The following POLB variants were observed in gnomAD, a reference collection of about 807,000 sequenced individuals.
POLB encodes 5'-dRP lyase.
In POLB, 37 loss-of-function variants were observed where a neutral mutation model predicts 52.7. The observed-to-expected ratio is 0.70, with a 90% CI of 0.54 to 0.92. The LOEUF is 0.92. POLB is among the 40% of genes least tolerant of loss of function. The probability of loss-of-function intolerance (pLI) is 0.00; values close to 1 mark genes in which losing one functional copy is unlikely to be tolerated. For synonymous variants in POLB, 138 were observed against 131.3 expected, an observed-to-expected ratio of 1.05 and a Z score of -0.35; for missense variants, 313 against 400.8, an observed-to-expected ratio of 0.78 and a Z score of 1.87.
chr8:42,349,526 C>A, intron 4 of POLB, among the ~76,000 whole-genome samples: 1 of 152,106 alleles, frequency 6.6e-6, no homozygotes, highest in Non-Finnish European at 1.5e-5. Context: ...GTAGCTGGGA[C>A]TACAGGCGCC....
intron 6 of POLB, chr8:42,354,550 A>ATT: frequency 1.0e-6 from 1 of 977,522 alleles, no homozygotes; most frequent in Non-Finnish European, 1.4e-6. Context: ...TTTCAATGGA[A>ATT]TTTTTTTTTG....
At chr8:42,350,735 T>G (rs1351529249) in intron 5 of POLB, among the ~76,000 whole-genome samples, 1 of 152,184 alleles carries the variant, frequency 6.6e-6, no homozygotes, top group African/African-American at 2.4e-5. Flanking sequence ...TATAATGATT[T>G]GTTCTTTAAA....
At chr8:42,369,790 A>G (rs1824264179) in intron 12 of POLB, 59 bp from the exon 13 acceptor site, 7 of 1,173,954 alleles carry the variant, frequency 6.0e-6, no homozygotes, top group Non-Finnish European at 7.3e-6. Flanking sequence ...TAGGAGTCCT[A>G]TATTTGCTAA....
intron 9 of POLB, among the ~76,000 whole-genome samples, chr8:42,358,569 G>A (rs1823478623): frequency 6.6e-6 from 1 of 152,286 alleles, no homozygotes; most frequent in East Asian, 1.9e-4. Context: ...TTTAGAGTAT[G>A]TTAGAGTAGA....
chr8:42,363,874 G>T (rs1823873750), intron 11 of POLB, among the ~76,000 whole-genome samples: 1 of 151,396 alleles, frequency 6.6e-6, no homozygotes, highest in Admixed American at 6.6e-5. Context: ...ATTAATAAAT[G>T]ATTCTGTATA....
At chr8:42,366,309 G>A (rs942420171) in intron 11 of POLB, among the ~76,000 whole-genome samples, 11 of 152,102 alleles carry the variant, frequency 7.2e-5, no homozygotes, top group African/African-American at 2.4e-4. Context: ...CATACATCTG[G>A]CAGCACATCT....
At chr8:42,362,401 A>T (rs1823759189) in intron 10 of POLB, among the ~76,000 whole-genome samples, 1 of 151,546 alleles carries the variant, frequency 6.6e-6, no homozygotes, top group South Asian at 2.1e-4. Flanking sequence ...TTCAGGCATG[A>T]TGTTGTTCCT....
intron 2 of POLB, among the ~76,000 whole-genome samples, chr8:42,343,426 C>G (rs1303756485): frequency 2.9e-5 from 4 of 138,246 alleles, no homozygotes; most frequent in Non-Finnish European, 6.1e-5. Flanking sequence ...ACTCAGGAGG[C>G]TAAGGCAGGA....
At chr8:42,340,997 C>T (rs575712968) in intron 2 of POLB, among the ~76,000 whole-genome samples, 6 of 152,230 alleles carry the variant, frequency 3.9e-5, no homozygotes, top group Admixed American at 3.9e-4. Flanking sequence ...TGTGCCAAAG[C>T]ATTGAGACAT....
At chr8:42,342,244 A>G (rs1822247521) in intron 2 of POLB, 7 of 1,546,524 alleles carry the variant, frequency 4.5e-6, no homozygotes, top group African/African-American at 1.4e-5. Flanking sequence ...TGCTTTCTAC[A>G]TTGTATTATC....
At position 42,370,003 on chromosome 8, in the gene POLB, G is replaced by A. The variant is rs1378204678; in HGVS notation, c.913+15G>A. 1 of 1,592,442 alleles carries A rather than the reference G, an allele frequency of 6.3e-7. No individual in the cohort carries two copies. Among genetic ancestry groups the A allele is most frequent in the Non-Finnish European group, 8.6e-7 (1 of 1,160,552 alleles). On this transcript the variant is annotated intron_variant, in intron 13 of 13. Transcript: ENST00000265421. ...GGGAGTCACTGGTGAGTGTCCATGT[G>A]TGTATTAGAGATCATCTCTCATCTG...
chr8:42,342,651 C>G (rs1346085783), intron 2 of POLB: 1 of 598,210 alleles, frequency 1.7e-6, no homozygotes, highest in African/African-American at 1.9e-5. Flanking sequence ...GAACAGAGAC[C>G]TGCAGGCCCA....
intron 6 of POLB, among the ~76,000 whole-genome samples, chr8:42,353,010 G>GTTGCA (rs536169958): frequency 2.0e-3 from 300 of 151,154 alleles, no homozygotes; most frequent in Middle Eastern, 0.01. Flanking sequence ...GGAGGCAGAG[G>GTTGCA]TTGCATTGAG....
intron 2 of POLB, chr8:42,339,289 C>T: frequency 1.8e-6 from 1 of 557,878 alleles, no homozygotes. Flanking sequence ...ATAGCTGTAG[C>T]CTGATACGTA....
At chr8:42,369,091 T>C in intron 11 of POLB, 180 bp from the exon 12 acceptor site, 1 of 437,718 alleles carries the variant, frequency 2.3e-6, no homozygotes, top group Non-Finnish European at 4.1e-6. Flanking sequence ...TCTCTAATTA[T>C]CGTGAAGTGT....
chr8:42,352,701 C>G, intron 6 of POLB, 133 bp downstream of exon 6: 1 of 669,302 alleles, frequency 1.5e-6, no homozygotes, highest in Admixed American at 2.4e-5. Flanking sequence ...CTTTTTAACT[C>G]TGTAGTACAG....
intron 12 of POLB, 161 bp from the exon 13 acceptor site, chr8:42,369,688 G>T (rs1268173745): frequency 7.4e-6 from 4 of 538,796 alleles, no homozygotes; most frequent in Admixed American, 7.0e-5. Flanking sequence ...TACAAGGTTG[G>T]GGTGATTTGA....
intron 6 of POLB, 76 bp downstream of exon 6, chr8:42,352,644 A>T (rs1823045413): frequency 1.1e-6 from 1 of 873,418 alleles, no homozygotes; most frequent in East Asian, 2.4e-5. Flanking sequence ...ACAAACTTCA[A>T]CTTGAAAAAC....
chr8:42,360,993 T>C (rs1242373673), intron 9 of POLB: 4 of 472,518 alleles, frequency 8.5e-6, no homozygotes, highest in Non-Finnish European at 1.6e-5. Context: ...TAAAATATTG[T>C]TTTTATTCAT....
Sources: gnomAD v4.1 joint callset for allele counts (sites outside exome capture counted in the v4.1 genomes callset) on GRCh38, gnomAD v4.1.1 for gene constraint, MANE v1.5 for transcripts, NCBI Gene and HGNC (gene_info 2026-07-23, HGNC 2026-07-21) for gene names.